Variants in SAMSN1 observed in about 807,000 individuals in gnomAD.
SAMSN1 encodes SAM domain-containing protein SAMSN-1.
Under a neutral mutation model 42.0 loss-of-function variants are expected in SAMSN1, and 31 were observed. The ratio of observed to expected loss-of-function variants is 0.74; its 90% CI spans 0.55 to 1.00. SAMSN1 has a LOEUF of 1.00. Among genes scored for constraint, SAMSN1 ranks in the 50% least tolerant of loss-of-function variants. The pLI is 0.00. For synonymous variants in SAMSN1, 178 were observed against 151.9 expected, an observed-to-expected ratio of 1.17 and a Z score of -1.26; for missense variants, 464 against 439.4, an observed-to-expected ratio of 1.06 and a Z score of -0.50.
chr21:14,609,409 T>C, intron 5 of SAMSN1: 2 of 708,912 alleles, frequency 2.8e-6, no homozygotes, highest in Non-Finnish European at 2.6e-6. Context: ...GTGGAAGATG[T>C]GAATTTTTCT....
At chr21:14,517,167 A>C in intron 2 of SAMSN1, 126 bp from the exon 3 acceptor site, 1 of 781,524 alleles carries the variant, frequency 1.3e-6, no homozygotes, top group East Asian at 2.9e-5. Flanking sequence ...CAGCCTCCAA[A>C]ATTTCTAACA....
chr21:14,508,426 A>G (rs1392875516), intron 5 of SAMSN1, among the ~76,000 whole-genome samples: 1 of 152,266 alleles, frequency 6.6e-6, no homozygotes, highest in Non-Finnish European at 1.5e-5. Flanking sequence ...AAAAGAAGAT[A>G]CACAAATGGC....
intron 5 of SAMSN1, among the ~76,000 whole-genome samples, chr21:14,509,996 G>A (rs982465397): frequency 3.3e-5 from 5 of 151,854 alleles, no homozygotes; most frequent in African/African-American, 4.8e-5. Context: ...AAAATTAGCC[G>A]GGCGTGGTGG....
At chr21:14,497,297 C>A (rs1437111220) in intron 7 of SAMSN1, among the ~76,000 whole-genome samples, 1 of 152,130 alleles carries the variant, frequency 6.6e-6, no homozygotes, top group Admixed American at 6.5e-5. Context: ...TTAATAATTA[C>A]TAGTATTATT....
intron 2 of SAMSN1, among the ~76,000 whole-genome samples, chr21:14,580,432 G>A (rs9305391): frequency 0.063 from 9,522 of 152,250 alleles, 584 homozygotes; most frequent in African/African-American, 0.16. Context: ...ACTTGCCAAG[G>A]AGTCATCAGC....
At chr21:14,658,904 C>T (rs1983957089), upstream of SAMSN1, 2 of 641,332 alleles carry the variant, frequency 3.1e-6, no homozygotes, top group South Asian at 1.8e-5. Flanking sequence ...TGCCATAATC[C>T]AGGGGATTCA....
At chr21:14,624,871 A>G (rs945773330) in intron 2 of SAMSN1, among the ~76,000 whole-genome samples, 10 of 152,212 alleles carry the variant, frequency 6.6e-5, no homozygotes, top group African/African-American at 2.4e-4. Flanking sequence ...CGATGTAAAA[A>G]TCCTCAATAA....
At chr21:14,556,804 G>C (rs1299696053) in intron 2 of SAMSN1, among the ~76,000 whole-genome samples, 1 of 152,168 alleles carries the variant, frequency 6.6e-6, no homozygotes, top group Non-Finnish European at 1.5e-5. Flanking sequence ...CATGTTACCT[G>C]CAACTCAATT....
At chr21:14,538,464 T>A (rs1194974131) in intron 1 of SAMSN1, among the ~76,000 whole-genome samples, 4 of 152,174 alleles carry the variant, frequency 2.6e-5, no homozygotes, top group African/African-American at 9.7e-5. Context: ...GTCTACCTCC[T>A]GGGGTTTTGA....
intron 1 of SAMSN1, among the ~76,000 whole-genome samples, chr21:14,530,929 T>C (rs1979229076): frequency 6.6e-6 from 1 of 152,200 alleles, no homozygotes; most frequent in South Asian, 2.1e-4. Context: ...ACATTATTCT[T>C]CCATAAGTTT....
intron 6 of SAMSN1, among the ~76,000 whole-genome samples, chr21:14,595,606 T>C (rs183131485): frequency 2.0e-5 from 3 of 152,296 alleles, no homozygotes; most frequent in Admixed American, 1.3e-4. Flanking sequence ...TTTAAATATT[T>C]ATGACAATCG....
intron 3 of SAMSN1, among the ~76,000 whole-genome samples, chr21:14,614,502 C>T (rs1982783492): frequency 1.3e-5 from 2 of 152,022 alleles, no homozygotes; most frequent in South Asian, 4.2e-4. Context: ...TCATCACTAA[C>T]TGTTACAGCT....
intron 1 of SAMSN1, among the ~76,000 whole-genome samples, chr21:14,535,447 A>G (rs1271856073): frequency 6.6e-6 from 1 of 152,186 alleles, no homozygotes; most frequent in African/African-American, 2.4e-5. Flanking sequence ...GATCTAGAGT[A>G]ATTGGAAGGA....
At position 14,592,744 on chromosome 21, in the gene SAMSN1, G is replaced by A. The variant is rs540973989; in HGVS notation, c.465+1269C>T. ...CTCCAACATTTTACTTCAAAAATGT[G>A]GAAACGGAAATGCAGAAATACGAAT... On this transcript the variant is annotated intron_variant, in intron 7 of 15. Coordinates refer to the SAMSN1 transcript ENST00000647101. 7.2e-4 allele frequency: 156 copies of A among 215,958 alleles called. 1 individual carries two copies. In the South Asian group the frequency reaches 7.5e-3, roughly 10 times the overall value. 13.4% of individuals were successfully genotyped at this position (215,958 alleles called of 1,614,324 possible).
intron 2 of SAMSN1, among the ~76,000 whole-genome samples, chr21:14,625,857 C>A (rs1251978697): frequency 6.6e-6 from 1 of 152,192 alleles, no homozygotes; most frequent in Admixed American, 6.6e-5. Flanking sequence ...CTGGAGGCAT[C>A]ACGCTACCTG....
chr21:14,490,986 G>A (rs1986660754), intron 7 of SAMSN1, among the ~76,000 whole-genome samples: 1 of 152,156 alleles, frequency 6.6e-6, no homozygotes, highest in South Asian at 2.1e-4. Flanking sequence ...TACACCATAT[G>A]GAGGGCTTTG....
chr21:14,614,949 C>T (rs11909109), intron 3 of SAMSN1, among the ~76,000 whole-genome samples: 5,704 of 152,226 alleles, frequency 0.037, 368 homozygotes, highest in African/African-American at 0.13. Flanking sequence ...AGACACTTTC[C>T]CTTTAATTCA....
At chr21:14,619,895 G>T (rs910732645) in intron 2 of SAMSN1, among the ~76,000 whole-genome samples, 1 of 150,816 alleles carries the variant, frequency 6.6e-6, no homozygotes, top group African/African-American at 2.5e-5. Flanking sequence ...TCCTCTTGGC[G>T]TCTCTGTGTG....
intron 1 of SAMSN1, among the ~76,000 whole-genome samples, chr21:14,536,875 C>T (rs1424031790): frequency 6.6e-6 from 1 of 152,158 alleles, no homozygotes; most frequent in Non-Finnish European, 1.5e-5. Context: ...CTATAAACAT[C>T]CAAATGGATA....
Sources: gnomAD v4.1 joint callset for allele counts (sites outside exome capture counted in the v4.1 genomes callset) on GRCh38, gnomAD v4.1.1 for gene constraint, MANE v1.5 for transcripts, NCBI Gene and HGNC (gene_info 2026-07-23, HGNC 2026-07-21) for gene names.